The following CDK14 variants were observed in gnomAD, a reference collection of about 807,000 sequenced individuals.
CDK14 encodes the protein cyclin dependent kinase 14.
A neutral mutation model predicts 60.7 loss-of-function variants in CDK14; 34 were observed. The ratio of observed to expected loss-of-function variants is 0.56; its 90% CI spans 0.43 to 0.75. The LOEUF is 0.75. Ranked by LOEUF, CDK14 falls within the 30% of genes least tolerant of loss-of-function variation. CDK14 has a pLI of 0.00. For synonymous variants in CDK14, 197 were observed against 203.7 expected (o/e 0.97, Z 0.28); for missense variants, 482 against 564.1 (o/e 0.85, Z 1.47).
chr7:90,729,453 T>C (rs1193134476), intron 3 of CDK14, among the ~76,000 whole-genome samples: 1 of 150,336 alleles, frequency 6.7e-6, no homozygotes, highest in Non-Finnish European at 1.5e-5. Context: ...TCTCTAGTGT[T>C]CTCTTTACTC....
In CDK14 at chr7:91,056,774, T is replaced by C. The variant is rs537619518; in HGVS notation, c.1105+10814T>C. Among the ~76,000 whole-genome samples the C allele has an allele frequency of 3.0e-3, 457 of 152,348 alleles. 4 individuals carry two copies. The highest frequency in any genetic ancestry group is 0.011 in the African/African-American group (439 of 41,568). On this transcript the variant is annotated intron_variant, in intron 11 of 14. Coordinates refer to ENST00000380050, the MANE Select transcript of CDK14 (RefSeq NM_001287135.2). The stretch of plus-strand genomic sequence containing the variant: ...TATGGCTGCATAGTATTCCATGCTA[T>C]ATATGTGCCACATTTTCTTAATCCA...
chr7:91,062,528 G>A (rs554917156), intron 11 of CDK14, among the ~76,000 whole-genome samples: 50 of 151,934 alleles, frequency 3.3e-4, no homozygotes, highest in African/African-American at 1.0e-3. Flanking sequence ...GTTCCTATTC[G>A]GCCATCTTGG....
chr7:90,969,271 C>T (rs911892681), intron 9 of CDK14, among the ~76,000 whole-genome samples: 6 of 152,152 alleles, frequency 3.9e-5, no homozygotes, highest in Non-Finnish European at 8.8e-5. Context: ...CATTCTTACC[C>T]ATAGTCCATC....
intron 2 of CDK14, among the ~76,000 whole-genome samples, chr7:90,667,976 A>G (rs1801020261): frequency 1.3e-5 from 2 of 152,162 alleles, no homozygotes; most frequent in Admixed American, 1.3e-4. Flanking sequence ...TTTGGCTATT[A>G]TGAATAATAT....
chr7:90,653,031 C>G (rs1800677122), intron 2 of CDK14, among the ~76,000 whole-genome samples: 2 of 152,184 alleles, frequency 1.3e-5, no homozygotes, highest in Admixed American at 6.5e-5. Flanking sequence ...CCAGTGAACA[C>G]TCTTGCCCTT....
intron 2 of CDK14, among the ~76,000 whole-genome samples, chr7:90,638,532 A>T (rs1466594449): frequency 1.3e-5 from 2 of 152,162 alleles, no homozygotes; most frequent in Admixed American, 6.5e-5. Context: ...CTTTGTGGGT[A>T]ACCTGACCTT....
At chr7:90,994,854 G>A (rs1244164039) in intron 10 of CDK14, among the ~76,000 whole-genome samples, 1 of 152,158 alleles carries the variant, frequency 6.6e-6, no homozygotes, top group Admixed American at 6.5e-5. Flanking sequence ...GTGAGGAGGT[G>A]GTGACACTTC....
intron 8 of CDK14, among the ~76,000 whole-genome samples, chr7:90,923,223 C>T (rs1307768889): frequency 6.6e-6 from 1 of 151,488 alleles, no homozygotes; most frequent in African/African-American, 2.4e-5. Context: ...CATTCTCCTG[C>T]CTCAGCCTCC....
At chr7:90,823,130 G>T (rs1481231333) in intron 5 of CDK14, among the ~76,000 whole-genome samples, 1 of 152,114 alleles carries the variant, frequency 6.6e-6, no homozygotes, top group East Asian at 1.9e-4. Context: ...GGTGGTTCTA[G>T]GGAGGACTTG....
intron 10 of CDK14, among the ~76,000 whole-genome samples, chr7:90,996,043 C>T (rs938420793): frequency 1.6e-4 from 24 of 152,266 alleles, no homozygotes; most frequent in Non-Finnish European, 7.4e-5. Flanking sequence ...AGTCATTCTT[C>T]GGTTAGACTG....
At chr7:91,147,162 T>TCTCTCTCTCTCTCA (rs1438870514) in intron 14 of CDK14, among the ~76,000 whole-genome samples, 61 of 124,742 alleles carry the variant, frequency 4.9e-4, no homozygotes, top group African/African-American at 1.9e-3. Flanking sequence ...TCTCTCTCTC[T>TCTCTCTCTCTCTCA]CACACACACA....
At chr7:91,119,775 C>T (rs1386101212) in intron 14 of CDK14, among the ~76,000 whole-genome samples, 1 of 152,078 alleles carries the variant, frequency 6.6e-6, no homozygotes, top group East Asian at 1.9e-4. Context: ...TAAAAGATCT[C>T]CAGATAAAGT....
At position 91,209,781 on chromosome 7, in the gene CDK14, A is replaced by G. The variant is rs1803012106; in HGVS notation, c.*2645A>G. On this transcript the variant is annotated 3_prime_UTR_variant, in exon 15 of 15. Coordinates refer to ENST00000380050, the MANE Select transcript of CDK14 (RefSeq NM_001287135.2). Reference sequence around the variant, plus strand: ...ATGAGATACATAGGATGTGAAAAAAAATGTTTGCAGTACTCAGCAAAAAAT... The same window carrying G: ...ATGAGATACATAGGATGTGAAAAAAGATGTTTGCAGTACTCAGCAAAAAAT... 6.6e-6 allele frequency: 1 copy of G among 152,558 alleles called. No homozygotes were observed. The highest frequency in any genetic ancestry group is 2.4e-5 in the African/African-American group (1 of 41,450). 9.5% of individuals were successfully genotyped at this position (152,558 alleles called of 1,614,324 possible). A position where few individuals can be genotyped will look rare whatever the true frequency, so the allele number is the denominator to read the frequency against.
chr7:91,106,995 G>A (rs570755885), intron 12 of CDK14, among the ~76,000 whole-genome samples: 14 of 152,326 alleles, frequency 9.2e-5, no homozygotes, highest in Admixed American at 3.3e-4. Context: ...GGTTAACTAG[G>A]ACACAGGAGA....
intron 12 of CDK14, among the ~76,000 whole-genome samples, chr7:91,085,415 T>G (rs1268136048): frequency 3.3e-5 from 5 of 152,190 alleles, no homozygotes; most frequent in African/African-American, 1.2e-4. Context: ...CTCTCTGACT[T>G]CCTGTCTGCC....
At chr7:90,793,826 C>A (rs964807142) in intron 5 of CDK14, among the ~76,000 whole-genome samples, 4 of 152,174 alleles carry the variant, frequency 2.6e-5, no homozygotes, top group Non-Finnish European at 5.9e-5. Context: ...TTGTCTATGG[C>A]TGCTTTCTTG....
chr7:90,847,029 A>G (rs1790491264), intron 5 of CDK14, among the ~76,000 whole-genome samples: 1 of 152,098 alleles, frequency 6.6e-6, no homozygotes, highest in African/African-American at 2.4e-5. Context: ...TGGCAAGAAT[A>G]CTTATTTATT....
chr7:90,725,446 T>C (rs1327614313), intron 2 of CDK14, among the ~76,000 whole-genome samples: 4 of 152,166 alleles, frequency 2.6e-5, no homozygotes, highest in Non-Finnish European at 5.9e-5. Flanking sequence ...TCTATACATA[T>C]TAGCTCTGTG....
chr7:90,892,177 A>G (rs1276695492), intron 6 of CDK14, among the ~76,000 whole-genome samples: 2 of 152,210 alleles, frequency 1.3e-5, no homozygotes, highest in Admixed American at 6.5e-5. Flanking sequence ...CCAAGGTCAG[A>G]TTCAAAACAG....
Sources: gnomAD v4.1 joint callset for allele counts (sites outside exome capture counted in the v4.1 genomes callset) on GRCh38, gnomAD v4.1.1 for gene constraint, MANE v1.5 for transcripts, NCBI Gene and HGNC (gene_info 2026-07-23, HGNC 2026-07-21) for gene names.